Variants in TMEM64 observed in about 807,000 individuals in gnomAD.
The protein encoded by TMEM64 is transmembrane protein 64.
In TMEM64, 19 loss-of-function variants were observed where a neutral mutation model predicts 24.5. The ratio of observed to expected loss-of-function variants is 0.78; its 90% confidence interval spans 0.54 to 1.14. The LOEUF (loss-of-function observed/expected upper bound fraction) is 1.14, where lower values mean the gene tolerates loss of function less well. TMEM64 is among the 50% of genes most tolerant of loss of function. The pLI, the probability that TMEM64 is intolerant of heterozygous loss-of-function variation, is 0.00. For synonymous variants in TMEM64, 262 were observed against 224.7 expected (o/e 1.17, Z -1.49); for missense variants, 487 against 493.0 (o/e 0.99, Z 0.12).
Position 90,625,554 on chromosome 8 carries a change from C to A in TMEM64, c.*117G>T. 2 of 801,214 alleles carry A rather than the reference C, an allele frequency of 2.5e-6. No individual in the cohort carries two copies. Among genetic ancestry groups the A allele is most frequent in the East Asian group, 2.7e-5 (1 of 37,470 alleles). The allele number at this position is 801,214 out of a possible 1,614,324, so 49.6% of individuals were successfully genotyped here. On this transcript the variant is annotated 3_prime_UTR_variant, in exon 3 of 3. Coordinates refer to ENST00000458549, the MANE Select transcript of TMEM64 (RefSeq NM_001008495.4). ...AAAAAAAAATTGTGCAATTTAAAAA[C>A]TAGTCAGTTTTGTTTGTGCTGTAAT...
At chr8:90,641,397 A>C (rs983514124) in intron 1 of TMEM64, among the ~76,000 whole-genome samples, 1 of 152,226 alleles carries the variant, frequency 6.6e-6, no homozygotes, top group Non-Finnish European at 1.5e-5. Flanking sequence ...AAATGGAAGA[A>C]TCAATCTTAG....
At chr8:90,630,521 T>A (rs1809421334) in intron 2 of TMEM64, among the ~76,000 whole-genome samples, 1 of 152,134 alleles carries the variant, frequency 6.6e-6, no homozygotes, top group African/African-American at 2.4e-5. Flanking sequence ...TATCTAATGG[T>A]GTCTTTGTGA....
chr8:90,645,965 A>G lies in TMEM64; in HGVS notation c.-60T>C. The G allele has an allele frequency of 1.0e-6, 1 of 971,984 alleles. No individual in the cohort carries two copies. The allele number at this position is 971,984 out of a possible 1,614,324, so 60.2% of individuals were successfully genotyped here. A position where few individuals can be genotyped will look rare whatever the true frequency, so the allele number is the denominator to read the frequency against. On this transcript the variant is annotated 5_prime_UTR_variant, in exon 1 of 3. Transcript: ENST00000458549. The surrounding 1 kb of genome is among the most constrained non-coding windows in gnomAD (Gnocchi z 4.2). The stretch of plus-strand genomic sequence containing the variant: ...CCCTCCGCCGCGGCGCCCGTTAGGC[A>G]GCTGCCCTTCATGGCGCCCGGTTCG...
In TMEM64 at chr8:90,639,635, T is replaced by C. The variant is rs76831101; in HGVS notation, c.795+5476A>G. On this transcript the variant is annotated intron_variant, in intron 1 of 2. Transcript: ENST00000458549. Reference sequence around the variant, plus strand: ...GCAGTCATTAAAAGTCATGTTGTAATACACGTAATAACAAGATGTTCATTA... The same window carrying C: ...GCAGTCATTAAAAGTCATGTTGTAACACACGTAATAACAAGATGTTCATTA... Among the ~76,000 whole-genome samples the C allele has an allele frequency of 3.0e-3, 461 of 152,258 alleles. 3 individuals are homozygous for C. The highest frequency in any genetic ancestry group is 9.9e-3 in the African/African-American group (413 of 41,528).
Position 90,624,956 on chromosome 8 carries a change from T to A in TMEM64, c.*715A>T, listed in dbSNP as rs539983178. The A allele has an allele frequency of 6.6e-6, 1 of 152,366 alleles. No individual in the cohort carries two copies. The highest frequency in any genetic ancestry group is 2.1e-4 in the South Asian group (1 of 4,808). The allele number at this position is 152,366 out of a possible 1,614,324, so 9.4% of individuals were successfully genotyped here. A position where few individuals can be genotyped will look rare whatever the true frequency, so the allele number is the denominator to read the frequency against. On this transcript the variant is annotated 3_prime_UTR_variant, in exon 3 of 3. Coordinates refer to ENST00000458549, the MANE Select transcript of TMEM64 (RefSeq NM_001008495.4). ...CAATGTAACTGAATTAGAACAAGAG[T>A]TCCAATTTTGAGCTACCATCCACCA... is the stretch of plus-strand genomic sequence containing the variant.
At chr8:90,642,317 T>TG (rs1809616057) in intron 1 of TMEM64, among the ~76,000 whole-genome samples, 1 of 152,150 alleles carries the variant, frequency 6.6e-6, no homozygotes, top group Admixed American at 6.6e-5. Flanking sequence ...TTCCAAAGCC[T>TG]GGGCCTCACA....
In TMEM64 at chr8:90,622,079, A is replaced by C. The variant is rs1423609977; in HGVS notation, c.*3592T>G. On this transcript the variant is annotated 3_prime_UTR_variant, in exon 3 of 3. Transcript: ENST00000458549. ...CAAGACATTTTACTGATTTCCCTTT[A>C]GAATGATCTATTTTAAATCTTCAGC... The C allele has an allele frequency of 6.6e-6, 1 of 152,226 alleles. No homozygotes were observed. The highest frequency in any genetic ancestry group is 2.4e-5 in the African/African-American group (1 of 41,452). The allele number at this position is 152,226 out of a possible 1,614,324, so 9.4% of individuals were successfully genotyped here.
At chr8:90,637,875 C>G (rs977929599) in intron 1 of TMEM64, among the ~76,000 whole-genome samples, 22 of 152,278 alleles carry the variant, frequency 1.4e-4, no homozygotes, top group African/African-American at 5.1e-4. Flanking sequence ...ACTACCTATT[C>G]TCTTTCCTTT....
intron 2 of TMEM64, 80 bp from the exon 3 acceptor site, chr8:90,625,942 G>C: frequency 9.0e-7 from 1 of 1,105,056 alleles, no homozygotes; most frequent in Non-Finnish European, 1.3e-6. Flanking sequence ...ATTTGGCTTA[G>C]AAATGCTTCA....
In TMEM64 at chr8:90,631,559, C is replaced by A. The variant is rs201398689; in HGVS notation, c.944G>T (p.Cys315Phe). The A allele has an allele frequency of 6.3e-7, 1 of 1,588,672 alleles. No homozygotes were observed. Among genetic ancestry groups the A allele is most frequent in the Non-Finnish European group, 8.6e-7 (1 of 1,162,430 alleles). The change falls in exon 2 of 3, where the codon TGT (cysteine) becomes TTT (phenylalanine). Residue 315 changes from cysteine (C) to phenylalanine (F), a missense_variant. This residue lies in a region of TMEM64 where 10 missense variants were observed against 27.3 expected (regional missense o/e 0.37). Coordinates refer to ENST00000458549, the MANE Select transcript of TMEM64 (RefSeq NM_001008495.4). ...EQSVSGYFVF[C>F]LQIIISIGLM... is the part of the protein sequence containing the mutation. ...CCTTGGCCTTAAACTCACCTGTAAA[C>A]AAAAAACAAAATATCCACTAACACT...
intron 1 of TMEM64, among the ~76,000 whole-genome samples, chr8:90,634,937 A>G (rs988869604): frequency 6.6e-6 from 1 of 152,234 alleles, no homozygotes; most frequent in East Asian, 1.9e-4. Flanking sequence ...ACATTCAACT[A>G]TATTAATAGA....
intron 2 of TMEM64, among the ~76,000 whole-genome samples, chr8:90,628,971 C>G (rs895878601): frequency 6.6e-6 from 1 of 152,132 alleles, no homozygotes; most frequent in African/African-American, 2.4e-5. Flanking sequence ...TTCCTATGAA[C>G]AGTTATTTTG....
At chr8:90,639,931 G>A (rs1442161346) in intron 1 of TMEM64, among the ~76,000 whole-genome samples, 7 of 152,044 alleles carry the variant, frequency 4.6e-5, no homozygotes, top group African/African-American at 1.2e-4. Flanking sequence ...TAATATAACA[G>A]GCTAGAGATA....
intron 2 of TMEM64, among the ~76,000 whole-genome samples, chr8:90,631,124 C>G (rs1049957219): frequency 6.6e-6 from 1 of 152,140 alleles, no homozygotes; most frequent in Admixed American, 6.5e-5. Flanking sequence ...GAAATTTACA[C>G]TCTCAACATA....
downstream of TMEM64, chr8:90,621,996 A>C (rs369683672): frequency 6.6e-6 from 1 of 152,168 alleles, no homozygotes; most frequent in Non-Finnish European, 1.5e-5. Flanking sequence ...AAGCGAGAAG[A>C]AAGTAAAATA....
rs1360901605 is a variant in TMEM64, at chr8:90,624,406, ATCAT to A, written c.*1261_*1264del. 1.3e-5 allele frequency: 2 copies of A among 152,190 alleles called. No homozygotes were observed. Among genetic ancestry groups the A allele is most frequent in the Admixed American group, 1.3e-4 (2 of 15,268 alleles). 9.4% of individuals were successfully genotyped at this position (152,190 alleles called of 1,614,324 possible). A position where few individuals can be genotyped will look rare whatever the true frequency, so the allele number is the denominator to read the frequency against. ...TCTATAACCTCATTTGTAAAAAAAA[ATCAT>A]TAAGTTTATAAACTATTTTAAAAAT... is the stretch of plus-strand genomic sequence containing the variant. On this transcript the variant is annotated 3_prime_UTR_variant, in exon 3 of 3. Coordinates refer to ENST00000458549, the MANE Select transcript of TMEM64 (RefSeq NM_001008495.4).
chr8:90,642,736 T>C (rs1036998355), intron 1 of TMEM64, among the ~76,000 whole-genome samples: 1 of 149,470 alleles, frequency 6.7e-6, no homozygotes, highest in Non-Finnish European at 1.5e-5. Flanking sequence ...TCCAGGGGCT[T>C]CACAGTCCAC....
In TMEM64 at chr8:90,645,058, A is replaced by C. The variant is rs1359633053; in HGVS notation, c.795+53T>G. 1.3e-4 allele frequency: 206 copies of C among 1,553,130 alleles called. 1 individual carries two copies. The highest frequency in any genetic ancestry group is 1.7e-4 in the Non-Finnish European group (199 of 1,143,474). ...AGAGCGCCCTCCTAGGGCCGCCACA[A>C]GACCGCTCAAAAACAGACTTGGAGA... is the stretch of plus-strand genomic sequence containing the variant. On this transcript the variant is annotated intron_variant, in intron 1 of 2. Coordinates refer to ENST00000458549, the MANE Select transcript of TMEM64 (RefSeq NM_001008495.4). This position sits in a 1 kb window ranked among gnomAD's most constrained non-coding sequence, Gnocchi z 4.2.
At chr8:90,643,674 A>G (rs530532021) in intron 1 of TMEM64, among the ~76,000 whole-genome samples, 4 of 152,342 alleles carry the variant, frequency 2.6e-5, no homozygotes, top group East Asian at 3.9e-4. Context: ...CCTTAGCCCA[A>G]CCTTCTTTCA....
Sources: allele counts gnomAD v4.1 joint callset (sites outside exome capture counted in the v4.1 genomes callset), GRCh38; gene constraint gnomAD v4.1.1; regional missense constraint gnomAD v4.1.1; non-coding constraint Gnocchi (gnomAD v3.1); transcripts MANE v1.5; gene names NCBI Gene and HGNC (gene_info 2026-07-23, HGNC 2026-07-21).